The following PCDHGA1 variants were observed in gnomAD, a reference collection of about 807,000 sequenced individuals.
PCDHGA1 encodes protocadherin gamma subfamily A, 1, also known as protocadherin gamma-A1.
A neutral mutation model predicts 58.0 loss-of-function variants in PCDHGA1; 32 were observed. The observed-to-expected ratio is 0.55, with a 90% CI of 0.42 to 0.74. The LOEUF (loss-of-function observed/expected upper bound fraction) is 0.74. PCDHGA1 is among the 30% of genes least tolerant of loss of function. The pLI, the probability that PCDHGA1 is intolerant of heterozygous loss-of-function variation, is 0.00. For synonymous variants in PCDHGA1, 498 were observed against 501.1 expected, an observed-to-expected ratio of 0.99 and a Z score of 0.08; for missense variants, 1,205 against 1,182.3, an observed-to-expected ratio of 1.02 and a Z score of -0.28.
At chr5:141,442,417 T>A (rs2098323611) in intron 1 of PCDHGA1, 1 of 152,152 alleles carries the variant, frequency 6.6e-6, no homozygotes, top group Non-Finnish European at 1.5e-5. Flanking sequence ...TGAGTGAACT[T>A]CTTTTTTGAA....
chr5:141,369,965 TA>T (rs2149954345), intron 1 of PCDHGA1, among the ~76,000 whole-genome samples: 1 of 152,346 alleles, frequency 6.6e-6, no homozygotes, highest in African/African-American at 2.4e-5. Flanking sequence ...CTTTGACAAG[TA>T]AAAGGTACTT....
rs1285420674 is a variant in PCDHGA1 at position 141,409,726 on chromosome 5, C to G, written c.2421+76621C>G. The G allele has an allele frequency of 1.9e-6, 3 of 1,612,982 alleles. No homozygotes were observed. The Admixed American group carries it at 5.0e-5, about 27-fold the overall frequency. On this transcript the variant is annotated intron_variant, in intron 1 of 3. Transcript: ENST00000517417. ...CGGTGTCGTCATACGTGTCAGTGAG[C>G]GCGCAGAGCGGGGTGGTGTTCGCGC...
At chr5:141,354,474 AAGGCT>A (rs1759552613) in intron 1 of PCDHGA1, among the ~76,000 whole-genome samples, 1 of 152,066 alleles carries the variant, frequency 6.6e-6, no homozygotes, top group Non-Finnish European at 1.5e-5. Context: ...TGTACAGGGT[AAGGCT>A]AACTCTTGAA....
intron 1 of PCDHGA1, chr5:141,403,939 G>C: frequency 6.2e-7 from 1 of 1,613,852 alleles, no homozygotes; most frequent in Non-Finnish European, 8.5e-7. Context: ...GATTGAAAGG[G>C]TGGACAAAAG....
At chr5:141,409,631 T>C (rs773588699) in intron 1 of PCDHGA1, 27 of 1,613,698 alleles carry the variant, frequency 1.7e-5, no homozygotes, top group Non-Finnish European at 2.2e-5. Context: ...AGTGAGCGCC[T>C]CTGACCCGGA....
intron 2 of PCDHGA1, among the ~76,000 whole-genome samples, chr5:141,495,690 G>A (rs1261694815): frequency 1.3e-5 from 2 of 152,172 alleles, no homozygotes; most frequent in East Asian, 3.9e-4. Context: ...TGGCATAAGT[G>A]CTCAATAAAT....
intron 1 of PCDHGA1, chr5:141,372,532 T>C (rs2150008229): frequency 6.2e-7 from 1 of 1,614,022 alleles, no homozygotes; most frequent in South Asian, 1.1e-5. Context: ...GCAATCTCCC[T>C]GCGCCTGCGA....
At chr5:141,398,700 C>T in intron 1 of PCDHGA1, 1 of 1,613,844 alleles carries the variant, frequency 6.2e-7, no homozygotes, top group Non-Finnish European at 8.5e-7. Context: ...GTAGTAAATA[C>T]CCGGAACTGG....
intron 3 of PCDHGA1, among the ~76,000 whole-genome samples, chr5:141,509,335 G>C (rs113423267): frequency 6.6e-6 from 1 of 152,144 alleles, no homozygotes; most frequent in African/African-American, 2.4e-5. Context: ...CTGCCAGCTG[G>C]GCCTGGGCTG....
rs1596259997 is a variant in PCDHGA1, at chr5:141,509,990, A to G, written c.2570-957A>G. Among the ~76,000 whole-genome samples the G allele has an allele frequency of 2.6e-5, 4 of 152,266 alleles. No individual in the cohort carries two copies. The South Asian group carries it at 8.3e-4, about 32-fold the overall frequency. ...GGTCCTTCTAACACTTGGTTCCCTC[A>G]TCTGTAAAATGAGGGTCATACCACA... is the stretch of plus-strand genomic sequence containing the variant. On this transcript the variant is annotated intron_variant, in intron 3 of 3. Transcript: ENST00000517417.
Position 141,332,607 on chromosome 5 carries a change from T to A in PCDHGA1, c.1923T>A (p.Ser641Arg). ...ALLDRDALKQ[S>R]LVVAVQDHGQ... Reference sequence around the variant, plus strand: ...TGGACAGAGACGCGCTCAAGCAGAGTCTCGTGGTGGCCGTCCAGGACCACG... The same window carrying A: ...TGGACAGAGACGCGCTCAAGCAGAGACTCGTGGTGGCCGTCCAGGACCACG... The change falls in exon 1 of 4, where the codon AGT (serine) becomes AGA (arginine). Residue 641 changes from serine (S) to arginine (R), a missense_variant. By Grantham distance (110) the Ser-to-Arg change is moderately radical. Coordinates refer to ENST00000517417, the MANE Select transcript of PCDHGA1 (RefSeq NM_018912.3). This position sits in a 1 kb window ranked among gnomAD's most constrained non-coding sequence, Gnocchi z 4.6. 2.5e-6 allele frequency: 4 copies of A among 1,612,454 alleles called. No homozygotes were observed. The highest frequency in any genetic ancestry group is 3.4e-6 in the Non-Finnish European group (4 of 1,179,726).
intron 2 of PCDHGA1, among the ~76,000 whole-genome samples, chr5:141,498,397 G>A (rs1019408022): frequency 1.3e-5 from 2 of 152,136 alleles, no homozygotes; most frequent in African/African-American, 4.8e-5. Flanking sequence ...GAATGGCAGG[G>A]AGTTTTCTCT....
At chr5:141,388,611 A>T (rs773007125) in intron 1 of PCDHGA1, 13 of 1,613,850 alleles carry the variant, frequency 8.1e-6, no homozygotes, top group Non-Finnish European at 6.8e-6. Context: ...TCCAGTGTTC[A>T]GTCAAGACGT....
chr5:141,494,656 C>CT, intron 1 of PCDHGA1, 151 bp from the exon 2 acceptor site: 1 of 1,478,476 alleles, frequency 6.8e-7, no homozygotes, highest in Non-Finnish European at 9.1e-7. Flanking sequence ...TGTATTTTGT[C>CT]TTTGGAGATG....
chr5:141,373,621 A>G (rs908270659), intron 1 of PCDHGA1, among the ~76,000 whole-genome samples: 1 of 152,256 alleles, frequency 6.6e-6, no homozygotes, highest in Admixed American at 6.5e-5. Flanking sequence ...AGAAGATTGT[A>G]ATATTATTTC....
chr5:141,374,678 A>G (rs753625335), intron 1 of PCDHGA1: 1 of 1,610,496 alleles, frequency 6.2e-7, no homozygotes, highest in African/African-American at 1.3e-5. Context: ...GCTGGAGGGC[A>G]CACTGGACCG....
At chr5:141,351,784 G>A (rs1051132518) in intron 1 of PCDHGA1, 1 of 1,613,452 alleles carries the variant, frequency 6.2e-7, no homozygotes, top group Non-Finnish European at 8.5e-7. Flanking sequence ...CGCAGAGCGG[G>A]GTGGTGTTCG....
At chr5:141,403,144 C>A in intron 1 of PCDHGA1, 10 of 1,614,042 alleles carry the variant, frequency 6.2e-6, no homozygotes, top group Non-Finnish European at 8.5e-6. Flanking sequence ...AGCGCCGAGT[C>A]CGCATCGTCT....
intron 1 of PCDHGA1, chr5:141,375,742 G>A: frequency 6.2e-7 from 1 of 1,614,216 alleles, no homozygotes; most frequent in Non-Finnish European, 8.5e-7. Context: ...TGTTTGTGCT[G>A]GACCAGAATG....
Sources: allele counts gnomAD v4.1 joint callset (sites outside exome capture counted in the v4.1 genomes callset), GRCh38; gene constraint gnomAD v4.1.1; non-coding constraint Gnocchi (gnomAD v3.1); transcripts MANE v1.5; gene names NCBI Gene and HGNC (gene_info 2026-07-23, HGNC 2026-07-21).